The following RNF216 variants were observed in gnomAD, a reference collection of about 807,000 sequenced individuals.
RNF216 encodes E3 ubiquitin-protein ligase RNF216.
RNF216 carries 72 observed loss-of-function variants against 110.8 expected under a neutral mutation model. The observed-to-expected ratio is 0.65, with a 90% confidence interval of 0.54 to 0.79. The LOEUF (loss-of-function observed/expected upper bound fraction) is 0.79, where lower values mean the gene tolerates loss of function less well. Among genes scored for constraint, RNF216 ranks in the 30% least tolerant of loss-of-function variants. RNF216 has a pLI of 0.00. For missense variants in RNF216, 1,342 were observed against 1,141.2 expected (o/e 1.18, Z -2.54); for synonymous variants, 495 against 407.5 (o/e 1.21, Z -2.59).
chr7:5,636,980 G>C (rs1022683064), intron 15 of RNF216, among the ~76,000 whole-genome samples: 1 of 152,138 alleles, frequency 6.6e-6, no homozygotes, highest in Non-Finnish European at 1.5e-5. Context: ...AAAGAAAAAA[G>C]TGCTGAGAAT....
At chr7:5,765,918 A>T (rs1250933896) in intron 1 of RNF216, among the ~76,000 whole-genome samples, 1 of 146,228 alleles carries the variant, frequency 6.8e-6, no homozygotes. Flanking sequence ...GCACCACTGC[A>T]GTCCAGCCTG....
At chr7:5,767,582 A>G (rs1796271192) in intron 1 of RNF216, among the ~76,000 whole-genome samples, 1 of 151,072 alleles carries the variant, frequency 6.6e-6, no homozygotes, top group South Asian at 2.1e-4. Context: ...AATCTCAGCA[A>G]ACATGTATTG....
At chr7:5,666,980 A>C (rs1203742400) in intron 13 of RNF216, among the ~76,000 whole-genome samples, 1 of 151,974 alleles carries the variant, frequency 6.6e-6, no homozygotes, top group African/African-American at 2.4e-5. Context: ...ATACCTGGCT[A>C]ATTTTTTGTA....
At chr7:5,669,258 T>C (rs561305166) in intron 13 of RNF216, among the ~76,000 whole-genome samples, 216 of 152,340 alleles carry the variant, frequency 1.4e-3, no homozygotes, top group Non-Finnish European at 2.4e-3. Context: ...GTTGAGAAGC[T>C]CTGACCTCTT....
At chr7:5,694,913 T>C (rs1322034718) in intron 13 of RNF216, among the ~76,000 whole-genome samples, 11 of 152,228 alleles carry the variant, frequency 7.2e-5, no homozygotes, top group Admixed American at 6.5e-4. Context: ...AAGCATTTTA[T>C]AGAAAAGACA....
intron 15 of RNF216, among the ~76,000 whole-genome samples, chr7:5,632,187 C>T (rs1179365909): frequency 6.6e-6 from 1 of 152,190 alleles, no homozygotes; most frequent in Non-Finnish European, 1.5e-5. Context: ...ATGCCATTTG[C>T]CCTGGCCAGT....
At chr7:5,649,385 GGA>G (rs2128574234) in intron 14 of RNF216, among the ~76,000 whole-genome samples, 1 of 83,474 alleles carries the variant, frequency 1.2e-5, no homozygotes, top group Non-Finnish European at 2.2e-5. Flanking sequence ...CGTCTCCAAA[GGA>G]AAAAAAAAAA....
chr7:5,630,583 A>C (rs1258429439), intron 15 of RNF216, among the ~76,000 whole-genome samples: 1 of 151,892 alleles, frequency 6.6e-6, no homozygotes, highest in African/African-American at 2.4e-5. Flanking sequence ...GTGGAGGGGG[A>C]GTTCTCACTG....
chr7:5,738,857 T>C (rs139851569), intron 5 of RNF216, among the ~76,000 whole-genome samples: 1 of 152,176 alleles, frequency 6.6e-6, no homozygotes, highest in Non-Finnish European at 1.5e-5. Context: ...AACTCAGTTA[T>C]CATAATTCTA....
chr7:5,758,146 A>G (rs1023669778), intron 2 of RNF216, among the ~76,000 whole-genome samples: 2 of 152,256 alleles, frequency 1.3e-5, no homozygotes, highest in Non-Finnish European at 2.9e-5. Context: ...GTTCTTAAAG[A>G]AACTGTTCAA....
intron 5 of RNF216, among the ~76,000 whole-genome samples, chr7:5,734,699 C>CT (rs1420141277): frequency 6.6e-6 from 1 of 151,350 alleles, no homozygotes; most frequent in East Asian, 1.9e-4. Flanking sequence ...TAACACATGC[C>CT]TGTAATCCCA....
chr7:5,729,392 T>G, intron 7 of RNF216, 40 bp downstream of exon 7: 1 of 1,598,544 alleles, frequency 6.3e-7, no homozygotes, highest in Non-Finnish European at 8.6e-7. Flanking sequence ...GAAGATGTAG[T>G]CAAGAGGTGT....
rs190464568 is a variant in RNF216 at position 5,763,496 on chromosome 7, G to A, written c.-69-2358C>T. 2.4e-3 allele frequency among the ~76,000 whole-genome samples: 363 copies of A among 152,218 alleles called. 2 individuals are homozygous for A. Among genetic ancestry groups the A allele is most frequent in the Admixed American group, 6.9e-3 (105 of 15,278 alleles). On this transcript the variant is annotated intron_variant, in intron 1 of 16. Transcript: ENST00000389902. ...AATATAAAAATTAGCCAGGCGTGGT[G>A]GCAGGCACCTGTAATCCCAGGTACT...
At chr7:5,721,252 G>A (rs1246065016) in intron 8 of RNF216, 80 bp from the exon 9 acceptor site, 13 of 1,265,520 alleles carry the variant, frequency 1.0e-5, no homozygotes, top group African/African-American at 3.0e-5. Flanking sequence ...ATTCTTCCCG[G>A]CCTCATCCTC....
chr7:5,641,495 A>G, intron 14 of RNF216, 119 bp from the exon 15 acceptor site: 3 of 808,812 alleles, frequency 3.7e-6, no homozygotes, highest in Non-Finnish European at 5.8e-6. Flanking sequence ...TTGTGACATT[A>G]AACAGTGAAA....
At chr7:5,702,425 C>T (rs1006753592) in intron 13 of RNF216, among the ~76,000 whole-genome samples, 8 of 152,094 alleles carry the variant, frequency 5.3e-5, no homozygotes, top group African/African-American at 9.7e-5. Flanking sequence ...TGTTATAATG[C>T]GTATGTATTT....
chr7:5,744,164 CAAG>C (rs1013109958), intron 3 of RNF216, among the ~76,000 whole-genome samples: 8 of 151,906 alleles, frequency 5.3e-5, no homozygotes, highest in East Asian at 1.9e-4. Context: ...GAACTGCAGC[CAAG>C]AAGAAGAAGA....
Position 5,741,338 on chromosome 7 carries a change from C to A in RNF216, c.679G>T (p.Asp227Tyr). The change falls in exon 4 of 17, where the codon GAC becomes TAC. Residue 227 changes from aspartate to tyrosine, a missense_variant. By Grantham distance (160) the Asp-to-Tyr change is radical. Transcript: ENST00000389902. ...ALADDQAIEEDCWLDHPYFQS... is the reference protein window; with the variant it reads ...ALADDQAIEEYCWLDHPYFQS... Reference sequence around the variant, plus strand: ...AAGTAAGGATGATCTAACCAGCAGTCTTCTTCGATGGCCTGATCATCTGCT... The same window carrying A: ...AAGTAAGGATGATCTAACCAGCAGTATTCTTCGATGGCCTGATCATCTGCT... 6.2e-7 allele frequency: 1 copy of A among 1,614,140 alleles called. No homozygotes were observed. The highest frequency in any genetic ancestry group is 2.2e-5 in the East Asian group (1 of 44,884).
intron 1 of RNF216, among the ~76,000 whole-genome samples, chr7:5,771,022 G>A (rs1191172106): frequency 6.6e-6 from 1 of 152,120 alleles, no homozygotes; most frequent in East Asian, 1.9e-4. Flanking sequence ...TGGCCAGGCT[G>A]GTCTCGAACT....
Sources: allele counts gnomAD v4.1 joint callset (sites outside exome capture counted in the v4.1 genomes callset), GRCh38; gene constraint gnomAD v4.1.1; transcripts MANE v1.5; gene names NCBI Gene and HGNC (gene_info 2026-07-23, HGNC 2026-07-21).